SDK1: variants seen among roughly 807,000 people sequenced by gnomAD.
SDK1 encodes the protein protein sidekick-1.
A neutral mutation model predicts 245.5 loss-of-function variants in SDK1; 157 were observed. The observed-to-expected ratio is 0.64, with a 90% CI of 0.56 to 0.73. The LOEUF (loss-of-function observed/expected upper bound fraction) is 0.73. Ranked by LOEUF, SDK1 falls within the 30% of genes least tolerant of loss-of-function variation. The pLI is 0.00. For missense variants in SDK1, 3,583 were observed against 3,002.3 expected (o/e 1.19, Z -4.52); for synonymous variants, 1,647 against 1,278.5 (o/e 1.29, Z -6.15).
At chr7:3,980,762 C>A (rs868026913) in intron 13 of SDK1, among the ~76,000 whole-genome samples, 1 of 152,018 alleles carries the variant, frequency 6.6e-6, no homozygotes, top group Non-Finnish European at 1.5e-5. Context: ...GCCAAGATGG[C>A]GAAACCCTGT....
intron 4 of SDK1, among the ~76,000 whole-genome samples, chr7:3,644,934 G>T (rs973964750): frequency 3.3e-5 from 5 of 151,932 alleles, no homozygotes; most frequent in African/African-American, 9.7e-5. Context: ...TACCAGGGAT[G>T]GGGGGAGTTA....
At position 4,012,921 on chromosome 7, in the gene SDK1, A is replaced by G. The variant is rs1239666124; in HGVS notation, c.2420+686A>G. On this transcript the variant is annotated intron_variant, in intron 16 of 44. Transcript: ENST00000404826. ...TCCATTTAAGTTTTCAACCAAGGGCATGTGTTGTTCAATACAGTAATTTTA... is the reference window on the plus strand; with the variant it reads ...TCCATTTAAGTTTTCAACCAAGGGCGTGTGTTGTTCAATACAGTAATTTTA... 2.0e-5 allele frequency among the ~76,000 whole-genome samples: 3 copies of G among 152,154 alleles called. 1 individual carries two copies. The highest frequency in any genetic ancestry group is 4.1e-4 in the South Asian group (2 of 4,824).
intron 44 of SDK1, among the ~76,000 whole-genome samples, chr7:4,263,566 A>G (rs1168324632): frequency 1.5e-5 from 1 of 65,180 alleles, no homozygotes; most frequent in Non-Finnish European, 3.0e-5. Context: ...GAGGCCGCGT[A>G]GACCTCTCCT....
At chr7:3,372,675 T>A (rs1473691923) in intron 1 of SDK1, among the ~76,000 whole-genome samples, 2 of 152,142 alleles carry the variant, frequency 1.3e-5, no homozygotes, top group African/African-American at 4.8e-5. Context: ...TTCTCTGTTG[T>A]GAGAGTTGGA....
At chr7:3,711,455 A>T (rs1053679110) in intron 4 of SDK1, among the ~76,000 whole-genome samples, 5 of 152,200 alleles carry the variant, frequency 3.3e-5, no homozygotes, top group African/African-American at 1.2e-4. Context: ...TGTGAATTCT[A>T]TGAAGGAAAC....
chr7:3,986,703 A>C (rs1348846757), intron 13 of SDK1, among the ~76,000 whole-genome samples: 1 of 152,168 alleles, frequency 6.6e-6, no homozygotes, highest in Non-Finnish European at 1.5e-5. Context: ...TCTACTAAAA[A>C]TACAAAAATT....
intron 22 of SDK1, among the ~76,000 whole-genome samples, chr7:4,092,942 T>C (rs10230707): frequency 0.39 from 58,654 of 152,088 alleles, 15,566 homozygotes; most frequent in African/African-American, 0.76. Flanking sequence ...ACTTTTCAAT[T>C]GTATCTTCTT....
chr7:3,431,051 C>T (rs1391240447), intron 1 of SDK1, among the ~76,000 whole-genome samples: 5 of 152,166 alleles, frequency 3.3e-5, no homozygotes, highest in Non-Finnish European at 7.3e-5. Flanking sequence ...CAGGCACATG[C>T]TGCCACGCCT....
chr7:3,896,690 G>T (rs564273213), intron 5 of SDK1, among the ~76,000 whole-genome samples: 7 of 152,252 alleles, frequency 4.6e-5, no homozygotes, highest in South Asian at 4.1e-4. Flanking sequence ...CGGTGGTCCA[G>T]TGTCAGAAAT....
At chr7:4,032,626 A>G (rs1251357153) in intron 17 of SDK1, among the ~76,000 whole-genome samples, 3 of 152,254 alleles carry the variant, frequency 2.0e-5, no homozygotes, top group African/African-American at 7.2e-5. Flanking sequence ...TTAGCAAACT[A>G]GCAAGCTATA....
chr7:3,859,619 CAAAG>C (rs971063107), intron 5 of SDK1, among the ~76,000 whole-genome samples: 3 of 152,114 alleles, frequency 2.0e-5, no homozygotes, highest in African/African-American at 4.8e-5. Context: ...TATCAACAGA[CAAAG>C]AAAGTCACCC....
intron 35 of SDK1, among the ~76,000 whole-genome samples, chr7:4,203,371 A>C (rs1048220906): frequency 3.3e-5 from 5 of 152,210 alleles, no homozygotes; most frequent in African/African-American, 4.8e-5. Context: ...TGAGTCACTC[A>C]GCTCTGCGAT....
In SDK1 at chr7:3,971,455, G is replaced by GT. The variant is rs763216050; in HGVS notation, c.1715-4dup. On this transcript the variant is annotated splice_polypyrimidine_tract_variant and intron_variant, in intron 11 of 44. Transcript: ENST00000404826. ...TCATTTCGTCTGACTCGTGACTTGTGTTTTTTTCAGATCGGACGTCCATCG... is the reference window on the plus strand; with the variant it reads ...TCATTTCGTCTGACTCGTGACTTGTGTTTTTTTTCAGATCGGACGTCCATCG... 31 of 1,599,860 alleles carry GT rather than the reference G, an allele frequency of 1.9e-5. No homozygotes were observed. The South Asian group carries it at 2.6e-4, about 13-fold the overall frequency.
At chr7:3,881,802 C>T (rs905806981) in intron 5 of SDK1, among the ~76,000 whole-genome samples, 2 of 152,116 alleles carry the variant, frequency 1.3e-5, no homozygotes, top group African/African-American at 4.8e-5. Context: ...CTTTGTATGT[C>T]TTTTAAAATG....
chr7:3,504,655 T>G (rs1782331627), intron 1 of SDK1, among the ~76,000 whole-genome samples: 1 of 152,036 alleles, frequency 6.6e-6, no homozygotes, highest in South Asian at 2.1e-4. Flanking sequence ...ATGCAGAAAT[T>G]AACTCAAAGT....
Position 3,349,702 on chromosome 7 carries a change from C to A in SDK1, c.298+47818C>A, listed in dbSNP as rs548535267. On this transcript the variant is annotated intron_variant, in intron 1 of 44. Transcript: ENST00000404826. ...GCAAGCTCCACCTCCCGGGTTCACGCCCTTCTCCTGCCTCAGCCTCCCGAG... is the reference window on the plus strand; with the variant it reads ...GCAAGCTCCACCTCCCGGGTTCACGACCTTCTCCTGCCTCAGCCTCCCGAG... 4.1e-4 allele frequency among the ~76,000 whole-genome samples: 63 copies of A among 152,262 alleles called. 1 individual carries two copies. Among genetic ancestry groups the A allele is most frequent in the African/African-American group, 1.3e-3 (55 of 41,554 alleles).
At position 3,907,597 on chromosome 7, in the gene SDK1, G is replaced by A. The variant is rs147116363; in HGVS notation, c.848-43326G>A. ...AACATTCGTGTACAAGTATCTGTTC[G>A]AGTCTCTATGTTCAGTTCCCTGGGA... On this transcript the variant is annotated intron_variant, in intron 5 of 44. Coordinates refer to ENST00000404826, the MANE Select transcript of SDK1 (RefSeq NM_152744.4). Among the ~76,000 whole-genome samples the A allele has an allele frequency of 8.5e-5, 13 of 152,236 alleles. 1 individual carries two copies. The highest frequency in any genetic ancestry group is 4.6e-4 in the Admixed American group (7 of 15,304).
chr7:3,950,362 T>C (rs562895273), intron 5 of SDK1, among the ~76,000 whole-genome samples: 1 of 152,344 alleles, frequency 6.6e-6, no homozygotes, highest in East Asian at 1.9e-4. Flanking sequence ...GCTCCGATCA[T>C]CCCATCTTCT....
intron 1 of SDK1, among the ~76,000 whole-genome samples, chr7:3,504,265 C>CGTCGTTGTTGTT (rs559796677): frequency 3.4e-5 from 5 of 146,624 alleles, no homozygotes; most frequent in African/African-American, 1.0e-4. Flanking sequence ...CTGTTGTTGT[C>CGTCGTTGTTGTT]GTTGTTGTTG....
Sources: allele counts gnomAD v4.1 joint callset (sites outside exome capture counted in the v4.1 genomes callset), GRCh38; gene constraint gnomAD v4.1.1; transcripts MANE v1.5; gene names NCBI Gene and HGNC (gene_info 2026-07-23, HGNC 2026-07-21).